The following DDX4 variants were observed in gnomAD, a reference collection of about 807,000 sequenced individuals.
DDX4 encodes the protein probable ATP-dependent RNA helicase DDX4.
A neutral mutation model predicts 100.0 loss-of-function variants in DDX4; 25 were observed. The ratio of observed to expected loss-of-function variants is 0.25; its 90% CI spans 0.18 to 0.35. The LOEUF (loss-of-function observed/expected upper bound fraction) is 0.35. Ranked by LOEUF, DDX4 falls within the 10% of genes least tolerant of loss-of-function variation. DDX4 has a pLI of 1.00. For synonymous variants in DDX4, 259 were observed against 275.7 expected (o/e 0.94, Z 0.60); for missense variants, 635 against 882.4 (o/e 0.72, Z 3.55).
At chr5:55,750,740 G>A (rs1041835587) in intron 3 of DDX4, among the ~76,000 whole-genome samples, 1 of 152,168 alleles carries the variant, frequency 6.6e-6, no homozygotes, top group Admixed American at 6.5e-5. Flanking sequence ...GTTTTTAAAC[G>A]TGTGTTTTCT....
intron 6 of DDX4, among the ~76,000 whole-genome samples, chr5:55,764,272 C>T (rs1445152081): frequency 6.6e-6 from 1 of 152,050 alleles, no homozygotes; most frequent in African/African-American, 2.4e-5. Flanking sequence ...TTGCCATCTG[C>T]CTTAATCCAT....
At chr5:55,786,260 T>C (rs2112019164) in intron 13 of DDX4, among the ~76,000 whole-genome samples, 1 of 152,298 alleles carries the variant, frequency 6.6e-6, no homozygotes, top group South Asian at 2.1e-4. Flanking sequence ...GAATTCTTCA[T>C]ATCTCATAGG....
chr5:55,760,058 T>TC (rs1323800109), intron 3 of DDX4, 142 bp from the exon 4 acceptor site: 1 of 672,488 alleles, frequency 1.5e-6, no homozygotes, highest in African/African-American at 1.9e-5. Flanking sequence ...CCATTTTTTT[T>TC]TTTTTTTACT....
At chr5:55,752,429 CG>C (rs1759625485) in intron 3 of DDX4, among the ~76,000 whole-genome samples, 1 of 146,776 alleles carries the variant, frequency 6.8e-6, no homozygotes, top group African/African-American at 2.5e-5. Flanking sequence ...TGAGAATATG[CG>C]GTGTTTGGTT....
rs1207867373 is a variant in DDX4, at chr5:55,785,284, A to G, written c.626-13A>G. ...CATCTTGACCGATTGTCACTTATGA[A>G]TTTCTTTAATAGGTGGTTACAAAGG... On this transcript the variant is annotated splice_polypyrimidine_tract_variant and intron_variant, in intron 10 of 21. Coordinates refer to ENST00000505374, the MANE Select transcript of DDX4 (RefSeq NM_024415.3). 1 of 1,569,650 alleles carries G rather than the reference A, an allele frequency of 6.4e-7. No individual in the cohort carries two copies. The highest frequency in any genetic ancestry group is 1.7e-5 in the Admixed American group (1 of 59,416).
chr5:55,803,432 G>A lies in DDX4; in HGVS notation c.1615+4861G>A, dbSNP rs550381366. 3.4e-5 allele frequency among the ~76,000 whole-genome samples: 5 copies of A among 146,506 alleles called. No individual in the cohort carries two copies. The East Asian group carries it at 6.5e-4, about 19-fold the overall frequency. On this transcript the variant is annotated intron_variant, in intron 18 of 21. Coordinates refer to ENST00000505374, the MANE Select transcript of DDX4 (RefSeq NM_024415.3). ...GCTGGTGAGCTGCACCCACTAACTC[G>A]TCATCTAGCATTAGGTATATCTCCC...
intron 18 of DDX4, among the ~76,000 whole-genome samples, chr5:55,806,667 T>C (rs1214843156): frequency 1.3e-5 from 2 of 152,242 alleles, no homozygotes; most frequent in Non-Finnish European, 2.9e-5. Flanking sequence ...AGTTCTAGTT[T>C]GATTGCACTG....
intron 10 of DDX4, 150 bp from the exon 11 acceptor site, chr5:55,785,147 G>A (rs1249321544): frequency 1.5e-6 from 1 of 660,084 alleles, no homozygotes; most frequent in Non-Finnish European, 2.7e-6. Context: ...AACTAAAAAT[G>A]TACAAGGTTC....
chr5:55,782,093 A>T (rs1453245501), intron 10 of DDX4, 112 bp downstream of exon 10: 1 of 1,251,992 alleles, frequency 8.0e-7, no homozygotes, highest in Non-Finnish European at 1.1e-6. Context: ...AGTTAAAGGT[A>T]ACTGTTATTG....
At chr5:55,790,740 G>T in intron 16 of DDX4, 35 bp downstream of exon 16, 1 of 1,599,490 alleles carries the variant, frequency 6.3e-7, no homozygotes, top group South Asian at 1.1e-5. Context: ...TTGTGAGATT[G>T]ATACTTTTTG....
At chr5:55,775,344 C>A (rs956878333) in intron 7 of DDX4, among the ~76,000 whole-genome samples, 1 of 152,162 alleles carries the variant, frequency 6.6e-6, no homozygotes, top group African/African-American at 2.4e-5. Flanking sequence ...TCCCTGTTTT[C>A]AAATCTTTTG....
rs114053500 is a variant in DDX4, at chr5:55,781,073, C to T, written c.504C>T (p.Asp168=). The T allele has an allele frequency of 2.7e-4, 428 of 1,607,976 alleles. 1 individual carries two copies. In the African/African-American group the frequency reaches 4.8e-3, roughly 18 times the overall value. ...TACTTTCTGCAAATCAAGATAATGA[C>T]TTAGACCCAGACGAATGTATGCAGC... ...GGFGLGSPNN[D]LDPDECMQRT... is the part of the protein sequence containing the mutation. The change falls in exon 9 of 22, where the codon GAC becomes GAT. Residue 168 remains aspartate (D), a synonymous_variant. Transcript: ENST00000505374.
chr5:55,791,951 AACAC>A (rs372353234), intron 16 of DDX4, among the ~76,000 whole-genome samples: 1 of 150,678 alleles, frequency 6.6e-6, no homozygotes. Flanking sequence ...CTCTACTAAA[AACAC>A]ACACACACAC....
intron 6 of DDX4, among the ~76,000 whole-genome samples, 167 bp downstream of exon 6, chr5:55,764,231 A>G (rs564715045): frequency 1.8e-4 from 28 of 152,308 alleles, no homozygotes; most frequent in Admixed American, 6.5e-4. Context: ...TGCTTTGTAC[A>G]TAAAGAATTC....
At chr5:55,759,467 A>T (rs529158862) in intron 3 of DDX4, among the ~76,000 whole-genome samples, 1 of 151,306 alleles carries the variant, frequency 6.6e-6, no homozygotes, top group South Asian at 2.1e-4. Context: ...TGATAAGAGA[A>T]TCTCATGTAT....
At chr5:55,784,562 G>A (rs568704247) in intron 10 of DDX4, among the ~76,000 whole-genome samples, 2 of 152,150 alleles carry the variant, frequency 1.3e-5, no homozygotes, top group African/African-American at 2.4e-5. Flanking sequence ...GATTTGGGAC[G>A]GGTTCCCACC....
chr5:55,774,921 A>G (rs66510726), intron 7 of DDX4, among the ~76,000 whole-genome samples: 7,486 of 152,236 alleles, frequency 0.049, 212 homozygotes, highest in African/African-American at 0.079. Context: ...CATATTAACT[A>G]TTCTTAAGTG....
At chr5:55,805,847 T>A (rs1465690807) in intron 18 of DDX4, among the ~76,000 whole-genome samples, 1 of 152,202 alleles carries the variant, frequency 6.6e-6, no homozygotes, top group Non-Finnish European at 1.5e-5. Flanking sequence ...ATAAAATGAG[T>A]TAGGGAGGAT....
At chr5:55,766,395 T>C (rs980766131) in intron 6 of DDX4, among the ~76,000 whole-genome samples, 2 of 152,044 alleles carry the variant, frequency 1.3e-5, no homozygotes, top group African/African-American at 4.8e-5. Context: ...GCCAAAGATA[T>C]TGTGAGACTC....
Sources: allele counts gnomAD v4.1 joint callset (sites outside exome capture counted in the v4.1 genomes callset), GRCh38; gene constraint gnomAD v4.1.1; transcripts MANE v1.5; gene names NCBI Gene and HGNC (gene_info 2026-07-23, HGNC 2026-07-21).